The following SNX9 variants were observed in gnomAD, a reference collection of about 807,000 sequenced individuals.
SNX9 encodes the protein sorting nexin-9.
SNX9 carries 44 observed loss-of-function variants against 89.4 expected under a neutral mutation model. The ratio of observed to expected loss-of-function variants is 0.49; its 90% confidence interval spans 0.39 to 0.63. SNX9 has a LOEUF of 0.63. SNX9 is among the 30% of genes least tolerant of loss of function. The pLI is 0.00. For synonymous variants in SNX9, 236 were observed against 247.8 expected, an observed-to-expected ratio of 0.95 and a Z score of 0.45; for missense variants, 578 against 736.1, an observed-to-expected ratio of 0.79 and a Z score of 2.49.
At chr6:157,834,361 T>G (rs548752706) in intron 1 of SNX9, among the ~76,000 whole-genome samples, 3 of 149,860 alleles carry the variant, frequency 2.0e-5, no homozygotes, top group Middle Eastern at 3.4e-3. Flanking sequence ...TTTTTTTTTT[T>G]GTAGAGACGG....
chr6:157,828,010 A>G (rs930909477), intron 1 of SNX9, among the ~76,000 whole-genome samples: 11 of 152,272 alleles, frequency 7.2e-5, no homozygotes, highest in African/African-American at 2.4e-4. Flanking sequence ...TATTCCATGC[A>G]TAGATTAGTG....
intron 10 of SNX9, among the ~76,000 whole-genome samples, chr6:157,923,711 A>T (rs1783630762): frequency 6.6e-6 from 1 of 152,212 alleles, no homozygotes. Context: ...TGTGAAGCTA[A>T]AAAAGTTTAA....
At chr6:157,835,457 G>A (rs1235715294) in intron 1 of SNX9, among the ~76,000 whole-genome samples, 1 of 147,564 alleles carries the variant, frequency 6.8e-6, no homozygotes, top group Non-Finnish European at 1.5e-5. Flanking sequence ...CTGTTGCCCA[G>A]GCTGGAGTCC....
At position 157,867,587 on chromosome 6, in the gene SNX9, A is replaced by G. The variant is rs1782292885; in HGVS notation, c.53A>G (p.Asn18Ser). The change falls in exon 2 of 18, where the codon AAT becomes AGT. Residue 18 changes from asparagine to serine, a missense_variant. Transcript: ENST00000392185. ...MYDFAAEPGN[N>S]ELTVNEGEII... ...GATTTTGCTGCTGAACCTGGAAATA[A>G]TGAACTGACGGTTAATGAAGGAGAA... 3.1e-6 allele frequency: 5 copies of G among 1,613,040 alleles called. No individual in the cohort carries two copies. The highest frequency in any genetic ancestry group is 2.7e-5 in the African/African-American group (2 of 74,920).
rs146589246 is a variant in SNX9, at chr6:157,901,203, G to A, written c.473-695G>A. The stretch of plus-strand genomic sequence containing the variant: ...GCACTGTCTTTACACAATCCTGCAT[G>A]CAATTTTGTATTTACAATAATCAGG... On this transcript the variant is annotated intron_variant, in intron 5 of 17. Transcript: ENST00000392185. Among the ~76,000 whole-genome samples the A allele has an allele frequency of 9.9e-5, 15 of 152,246 alleles. 1 individual carries two copies. The East Asian group carries it at 2.9e-3, about 29-fold the overall frequency.
At chr6:157,921,008 A>G (rs539478765) in intron 9 of SNX9, among the ~76,000 whole-genome samples, 2 of 152,222 alleles carry the variant, frequency 1.3e-5, no homozygotes, top group Non-Finnish European at 2.9e-5. Context: ...ACTCTTCATA[A>G]TGCTAAATTT....
intron 5 of SNX9, among the ~76,000 whole-genome samples, chr6:157,899,839 A>G (rs569552220): frequency 5.3e-5 from 8 of 152,246 alleles, no homozygotes; most frequent in African/African-American, 1.9e-4. Flanking sequence ...ATATACTGAA[A>G]TCATTACTAC....
chr6:157,926,430 A>T (rs1783692798), intron 10 of SNX9, among the ~76,000 whole-genome samples: 1 of 152,188 alleles, frequency 6.6e-6, no homozygotes, highest in Non-Finnish European at 1.5e-5. Flanking sequence ...TATATTTTAG[A>T]AAAGCATTTA....
intron 4 of SNX9, among the ~76,000 whole-genome samples, chr6:157,890,840 T>C (rs187062639): frequency 6.6e-6 from 1 of 152,126 alleles, no homozygotes; most frequent in Non-Finnish European, 1.5e-5. Context: ...TAAACGAATT[T>C]CATAGTGAAT....
In SNX9 at chr6:157,932,210, A is replaced by C. The variant is rs146513520; in HGVS notation, c.1304A>C (p.Tyr435Ser). 4.3e-6 allele frequency: 7 copies of C among 1,614,092 alleles called. No homozygotes were observed. Among genetic ancestry groups the C allele is most frequent in the Non-Finnish European group, 5.9e-6 (7 of 1,180,028 alleles). ...TGTCTTTCAGCATTACCCAAGGAAT[A>C]TCAGAAGATAGGAAAGGCCTTGCAG... ...KRCTGPLPKEYQKIGKALQSL... is the reference protein window; with the variant it reads ...KRCTGPLPKESQKIGKALQSL... Residue 435 changes from tyrosine to serine, a missense_variant, in exon 13 of 18, where the codon TAT becomes TCT. By Grantham distance (144) the Tyr-to-Ser change is moderately radical (BLOSUM62 -2). Transcript: ENST00000392185.
intron 3 of SNX9, 40 bp downstream of exon 3, chr6:157,873,216 T>G: frequency 6.8e-7 from 1 of 1,467,944 alleles, no homozygotes; most frequent in Non-Finnish European, 9.1e-7. Context: ...AGCTCATCTT[T>G]GCCAGGCATC....
At chr6:157,853,561 A>T (rs775951655) in intron 1 of SNX9, among the ~76,000 whole-genome samples, 1 of 152,126 alleles carries the variant, frequency 6.6e-6, no homozygotes, top group Admixed American at 6.5e-5. Context: ...CTGGGATTTG[A>T]ATTACATGTA....
chr6:157,891,710 G>C (rs1190719200), intron 4 of SNX9, among the ~76,000 whole-genome samples: 2 of 152,258 alleles, frequency 1.3e-5, no homozygotes, highest in Non-Finnish European at 2.9e-5. Context: ...TGAAGAAAGT[G>C]AAAGGAGGCG....
At chr6:157,910,056 A>G (rs773983605) in intron 9 of SNX9, 31 bp downstream of exon 9, 2 of 1,525,638 alleles carry the variant, frequency 1.3e-6, no homozygotes, top group East Asian at 4.5e-5. Context: ...ACCCAGGATG[A>G]CAAATAGAAA....
chr6:157,914,814 G>A (rs1012520464), intron 9 of SNX9, among the ~76,000 whole-genome samples: 39 of 152,196 alleles, frequency 2.6e-4, no homozygotes, highest in African/African-American at 8.9e-4. Flanking sequence ...CATAACAAAG[G>A]CTTTTAATTT....
intron 4 of SNX9, among the ~76,000 whole-genome samples, chr6:157,878,534 A>G (rs1195932212): frequency 1.3e-5 from 2 of 151,762 alleles, no homozygotes; most frequent in African/African-American, 4.8e-5. Context: ...CTGGGTTCAA[A>G]TGATTCTCCT....
chr6:157,916,009 A>G (rs1415013084), intron 9 of SNX9, among the ~76,000 whole-genome samples: 2 of 150,236 alleles, frequency 1.3e-5, no homozygotes, highest in Non-Finnish European at 3.0e-5. Context: ...TTTTGTGGGT[A>G]TGGATTCTTT....
chr6:157,828,837 G>A (rs887808318), intron 1 of SNX9, among the ~76,000 whole-genome samples: 3 of 151,966 alleles, frequency 2.0e-5, no homozygotes, highest in South Asian at 2.1e-4. Flanking sequence ...TGATGTCCCC[G>A]CCCCTGTTTC....
At chr6:157,890,990 T>C (rs1342248745) in intron 4 of SNX9, among the ~76,000 whole-genome samples, 1 of 151,548 alleles carries the variant, frequency 6.6e-6, no homozygotes, top group Non-Finnish European at 1.5e-5. Flanking sequence ...TTAAGGGTAC[T>C]CATAGTGTCA....
Sources: gnomAD v4.1 joint callset for allele counts (sites outside exome capture counted in the v4.1 genomes callset) on GRCh38, gnomAD v4.1.1 for gene constraint, MANE v1.5 for transcripts, NCBI Gene and HGNC (gene_info 2026-07-23, HGNC 2026-07-21) for gene names.